The following FREM2 variants were observed in gnomAD, a reference collection of about 807,000 sequenced individuals.
FREM2 encodes FRAS1 related extracellular matrix 2.
In FREM2, 119 loss-of-function variants were observed where a neutral mutation model predicts 219.9. That is an observed-to-expected ratio of 0.54 (90% CI 0.47 to 0.63). FREM2 has a LOEUF of 0.63. Ranked by LOEUF, FREM2 falls within the 30% of genes least tolerant of loss-of-function variation. The pLI, the probability that FREM2 is intolerant of heterozygous loss-of-function variation, is 0.00. For synonymous variants in FREM2, 1,562 were observed against 1,522.8 expected, an observed-to-expected ratio of 1.03 and a Z score of -0.60; for missense variants, 4,030 against 3,993.6, an observed-to-expected ratio of 1.01 and a Z score of -0.25.
chr13:38,827,472 T>A (rs2137884453), intron 6 of FREM2: 1 of 152,228 alleles, frequency 6.6e-6, no homozygotes, highest in South Asian at 2.1e-4. Context: ...CAGTTGTCAG[T>A]CTTAGCTTAT....
chr13:38,850,354 T>G lies in FREM2; in HGVS notation c.6577+119T>G, dbSNP rs1166103201. On this transcript the variant is annotated intron_variant, in intron 9 of 23. Transcript: ENST00000280481. ...AACAAGCATATGGCATGGTTTTATG[T>G]GCAATAAATGAGGAAAGTGAAATCG... 4 of 810,244 alleles carry G rather than the reference T, an allele frequency of 4.9e-6. No homozygotes were observed. In the African/African-American group the frequency reaches 5.1e-5, roughly 10 times the overall value. 50.2% of individuals were successfully genotyped at this position (810,244 alleles called of 1,614,324 possible).
intron 21 of FREM2, 97 bp downstream of exon 21, chr13:38,877,340 T>C: frequency 7.5e-7 from 1 of 1,329,692 alleles, no homozygotes; most frequent in South Asian, 1.2e-5. Context: ...AATTATAGCT[T>C]TTTTTATGGT....
chr13:38,741,787 A>G (rs1872260287), intron 2 of FREM2, among the ~76,000 whole-genome samples: 1 of 152,144 alleles, frequency 6.6e-6, no homozygotes. Flanking sequence ...CATTTTTATG[A>G]GGGTGTGAAA....
intron 4 of FREM2, 59 bp downstream of exon 4, chr13:38,769,867 C>G (rs983853600): frequency 2.5e-6 from 3 of 1,197,702 alleles, no homozygotes; most frequent in Non-Finnish European, 3.7e-6. Context: ...GACAAAATAC[C>G]TTGTAGGGGT....
intron 6 of FREM2, among the ~76,000 whole-genome samples, chr13:38,842,087 G>A (rs1876984655): frequency 6.6e-6 from 1 of 152,158 alleles, no homozygotes; most frequent in Non-Finnish European, 1.5e-5. Flanking sequence ...AAGCAGCAGA[G>A]CCATAGAGCA....
At chr13:38,850,478 C>A (rs1427241449) in intron 9 of FREM2, among the ~76,000 whole-genome samples, 1 of 152,080 alleles carries the variant, frequency 6.6e-6, no homozygotes, top group African/African-American at 2.4e-5. Context: ...ATTCAGTGGA[C>A]AAAAGCATAT....
rs1297540376 is a variant in FREM2, at chr13:38,689,085, C to A, written c.1741C>A (p.Pro581Thr). Residue 581 changes from proline to threonine, a missense_variant, in exon 1 of 24, where the codon CCC becomes ACC. This residue lies in a region of FREM2 where 3,102 missense variants were observed against 2,950.7 expected (regional missense o/e 1.05). Transcript: ENST00000280481. ...AGAGGGTGAAACAGTGCCCATCCTG[C>A]CCCTTTCCCTGAGTGCAACTGACAT... ...LAEGETVPIL[P>T]LSLSATDMDS... 5 of 1,613,966 alleles carry A rather than the reference C, an allele frequency of 3.1e-6. No homozygotes were observed. Among genetic ancestry groups the A allele is most frequent in the Non-Finnish European group, 2.5e-6 (3 of 1,180,008 alleles).
At chr13:38,741,173 C>T (rs569455820) in intron 2 of FREM2, among the ~76,000 whole-genome samples, 1 of 152,234 alleles carries the variant, frequency 6.6e-6, no homozygotes, top group African/African-American at 2.4e-5. Context: ...CTGCAAAACA[C>T]GTGTTTCTTC....
chr13:38,691,786 C>G lies in FREM2; in HGVS notation c.4442C>G (p.Ser1481Cys). Reference protein sequence around the residue: ...CTDQPGVSITSFTQLQLAGNK... With the variant: ...CTDQPGVSITCFTQLQLAGNK... Reference sequence around the variant, plus strand: ...GATCAGCCTGGTGTGTCCATCACGTCTTTCACTCAGCTGCAACTGGCTGGA... The same window carrying G: ...GATCAGCCTGGTGTGTCCATCACGTGTTTCACTCAGCTGCAACTGGCTGGA... The change falls in exon 1 of 24, where the codon TCT becomes TGT. Residue 1481 changes from serine (S) to cysteine (C), a missense_variant. Around this residue, in one of 2 missense-constraint regions of FREM2, gnomAD observed 3,102 missense variants for 2,950.7 expected, o/e 1.05. Transcript: ENST00000280481. The G allele has an allele frequency of 6.2e-7, 1 of 1,614,200 alleles. No individual in the cohort carries two copies. Among genetic ancestry groups the G allele is most frequent in the Non-Finnish European group, 8.5e-7 (1 of 1,180,038 alleles).
chr13:38,862,107 C>A (rs1877783921), intron 15 of FREM2, among the ~76,000 whole-genome samples: 1 of 152,152 alleles, frequency 6.6e-6, no homozygotes, highest in Admixed American at 6.5e-5. Flanking sequence ...AATATTTTAC[C>A]ATGTGCGGAA....
At chr13:38,848,405 T>C (rs1877240439) in intron 7 of FREM2, 56 bp from the exon 8 acceptor site, 5 of 1,188,280 alleles carry the variant, frequency 4.2e-6, no homozygotes, top group Admixed American at 1.7e-5. Flanking sequence ...TTATGTCTTA[T>C]AATTTTTTGA....
Position 38,880,551 on chromosome 13 carries a change from G to C in FREM2, c.9274G>C (p.Ala3092Pro), listed in dbSNP as rs748393525. The C allele has an allele frequency of 1.2e-6, 2 of 1,614,188 alleles. No homozygotes were observed. The highest frequency in any genetic ancestry group is 2.2e-5 in the South Asian group (2 of 91,082). Reference protein sequence around the residue: ...RTKRQIPHGRAPPDGILPWEL... With the variant: ...RTKRQIPHGRPPPDGILPWEL... Reference sequence around the variant, plus strand: ...CAAGAGGCAGATCCCCCATGGGAGAGCACCTCCAGATGGCATCCTCCCCTG... The same window carrying C: ...CAAGAGGCAGATCCCCCATGGGAGACCACCTCCAGATGGCATCCTCCCCTG... The change falls in exon 24 of 24, where the codon GCA (alanine) becomes CCA (proline). Residue 3092 changes from alanine to proline, a missense_variant. By Grantham distance (27) the Ala-to-Pro change is conservative. Coordinates refer to ENST00000280481, the MANE Select transcript of FREM2 (RefSeq NM_207361.6).
At chr13:38,872,231 G>A (rs1217979422) in intron 16 of FREM2, among the ~76,000 whole-genome samples, 1 of 152,178 alleles carries the variant, frequency 6.6e-6, no homozygotes, top group Non-Finnish European at 1.5e-5. Context: ...CCATTTATAT[G>A]AAATGTCCAG....
rs886050204 is a variant in FREM2 at position 38,883,291 on chromosome 13, T to C, written c.*2504T>C. On this transcript the variant is annotated 3_prime_UTR_variant, in exon 24 of 24. Coordinates refer to ENST00000280481, the MANE Select transcript of FREM2 (RefSeq NM_207361.6). ...AATTATTTTTTGAAACTCTTGTTAG[T>C]GGGAAGAATATGGTAAATTTTTTGT... The C allele has an allele frequency of 6.6e-6, 1 of 152,176 alleles. No individual in the cohort carries two copies. Among genetic ancestry groups the C allele is most frequent in the Admixed American group, 6.5e-5 (1 of 15,278 alleles). 9.4% of individuals were successfully genotyped at this position (152,176 alleles called of 1,614,324 possible). A position where few individuals can be genotyped will look rare whatever the true frequency, so the allele number is the denominator to read the frequency against.
chr13:38,841,330 A>G (rs1338367568), intron 6 of FREM2, among the ~76,000 whole-genome samples: 1 of 152,172 alleles, frequency 6.6e-6, no homozygotes, highest in Admixed American at 6.5e-5. Context: ...TGTGGAGGCA[A>G]GGGGCATGTG....
intron 2 of FREM2, among the ~76,000 whole-genome samples, chr13:38,744,783 C>T (rs926398402): frequency 3.9e-5 from 6 of 152,216 alleles, no homozygotes; most frequent in Non-Finnish European, 5.9e-5. Flanking sequence ...TAAGCCACTA[C>T]GCCCAGCCAG....
At chr13:38,737,668 G>A (rs929985590) in intron 2 of FREM2, among the ~76,000 whole-genome samples, 2 of 152,180 alleles carry the variant, frequency 1.3e-5, no homozygotes, top group African/African-American at 4.8e-5. Flanking sequence ...TATTAGAGTT[G>A]AATGGAACCC....
At position 38,689,406 on chromosome 13, in the gene FREM2, C is replaced by G. The variant is rs150928081; in HGVS notation, c.2062C>G (p.Arg688Gly). ...CCCTCCTAATCAGTCCGGGCTACAGCGGTTTGTGATTCGTATCCATCCTGT... is the reference window on the plus strand; with the variant it reads ...CCCTCCTAATCAGTCCGGGCTACAGGGGTTTGTGATTCGTATCCATCCTGT... ...HDPPNQSGLQ[R>G]FVIRIHPVDR... Residue 688 changes from arginine to glycine, a missense_variant, in exon 1 of 24, where the codon CGG becomes GGG. By Grantham distance (125) the Arg-to-Gly change is moderately radical (BLOSUM62 -2). Around this residue, in one of 2 missense-constraint regions of FREM2, gnomAD observed 3,102 missense variants for 2,950.7 expected, o/e 1.05. Transcript: ENST00000280481. 722 of 1,613,934 alleles carry G rather than the reference C, an allele frequency of 4.5e-4. 5 individuals are homozygous for G. Among genetic ancestry groups the G allele is most frequent in the Middle Eastern group, 1.2e-3 (7 of 6,062 alleles).
At chr13:38,875,477 A>G (rs1198217522) in intron 18 of FREM2, among the ~76,000 whole-genome samples, 3 of 152,192 alleles carry the variant, frequency 2.0e-5, no homozygotes, top group Non-Finnish European at 4.4e-5. Flanking sequence ...GTTCTGGAAA[A>G]TGAGGATTTT....
Sources: allele counts gnomAD v4.1 joint callset (sites outside exome capture counted in the v4.1 genomes callset), GRCh38; gene constraint gnomAD v4.1.1; regional missense constraint gnomAD v4.1.1; transcripts MANE v1.5; gene names NCBI Gene and HGNC (gene_info 2026-07-23, HGNC 2026-07-21).